The following SOBP variants were observed in gnomAD, a reference collection of about 807,000 sequenced individuals.
The protein encoded by SOBP is sine oculis-binding protein homolog.
Under a neutral mutation model 53.6 loss-of-function variants are expected in SOBP, and 4 were observed. The observed-to-expected ratio is 0.07, with a 90% CI of 0.04 to 0.17. SOBP has a LOEUF of 0.17. Ranked by LOEUF, SOBP falls within the 10% of genes least tolerant of loss-of-function variation. SOBP has a pLI of 1.00. For synonymous variants in SOBP, 584 were observed against 522.6 expected (o/e 1.12, Z -1.60); for missense variants, 1,088 against 1,204.7 (o/e 0.90, Z 1.43).
At chr6:107,610,495 G>A (rs1319925011) in intron 5 of SOBP, among the ~76,000 whole-genome samples, 11 of 152,172 alleles carry the variant, frequency 7.2e-5, no homozygotes, top group East Asian at 1.9e-4. Flanking sequence ...GCCTTTGCTC[G>A]GAAGGTCCTC....
At chr6:107,537,833 A>G (rs889996324) in intron 4 of SOBP, among the ~76,000 whole-genome samples, 1 of 152,136 alleles carries the variant, frequency 6.6e-6, no homozygotes, top group South Asian at 2.1e-4. Flanking sequence ...AAAAAAAAAA[A>G]AAAAGATCGA....
intron 5 of SOBP, among the ~76,000 whole-genome samples, chr6:107,598,803 G>A (rs1051265440): frequency 1.3e-5 from 2 of 152,108 alleles, no homozygotes; most frequent in African/African-American, 4.8e-5. Flanking sequence ...AAAAATATTG[G>A]TCATCAAGTT....
chr6:107,616,954 G>C (rs943625443), intron 5 of SOBP, among the ~76,000 whole-genome samples: 1 of 152,200 alleles, frequency 6.6e-6, no homozygotes, highest in Non-Finnish European at 1.5e-5. Flanking sequence ...CCGTGTGTTT[G>C]TGGTGAGAGA....
chr6:107,624,239 C>G (rs1484537444), intron 5 of SOBP, among the ~76,000 whole-genome samples: 2 of 152,220 alleles, frequency 1.3e-5, no homozygotes, highest in Non-Finnish European at 2.9e-5. Flanking sequence ...CCACTGGACT[C>G]TCTGCTAGTC....
chr6:107,556,569 C>G (rs773729374), intron 4 of SOBP, among the ~76,000 whole-genome samples: 12 of 152,164 alleles, frequency 7.9e-5, no homozygotes, highest in Non-Finnish European at 8.8e-5. Flanking sequence ...TTCCAATGTT[C>G]TTTCTTTGTG....
At chr6:107,594,083 T>A (rs933372925) in intron 5 of SOBP, among the ~76,000 whole-genome samples, 17 of 152,198 alleles carry the variant, frequency 1.1e-4, no homozygotes, top group African/African-American at 4.1e-4. Context: ...TTAAGCCAGA[T>A]TATTTTGTTC....
chr6:107,607,432 C>T (rs543692405), intron 5 of SOBP, among the ~76,000 whole-genome samples: 11 of 152,304 alleles, frequency 7.2e-5, no homozygotes, highest in African/African-American at 2.2e-4. Context: ...GCTGGCCCCT[C>T]GTGCTTTGCT....
chr6:107,644,959 A>G (rs1404191715), intron 6 of SOBP, among the ~76,000 whole-genome samples: 1 of 152,194 alleles, frequency 6.6e-6, no homozygotes, highest in African/African-American at 2.4e-5. Context: ...GGCTATTTTC[A>G]TAATCCCCAA....
At chr6:107,500,401 G>A (rs1026214321) in intron 1 of SOBP, among the ~76,000 whole-genome samples, 10 of 150,392 alleles carry the variant, frequency 6.6e-5, no homozygotes, top group Non-Finnish European at 1.0e-4. Flanking sequence ...AAAAGGAAAA[G>A]GAAAAAGAAT....
intron 4 of SOBP, among the ~76,000 whole-genome samples, chr6:107,537,733 A>T (rs939659169): frequency 1.3e-5 from 2 of 149,010 alleles, no homozygotes; most frequent in Admixed American, 6.8e-5. Flanking sequence ...AGGTGGGAGG[A>T]TTGCTTAGCC....
At chr6:107,590,587 G>A (rs1785712265) in intron 5 of SOBP, among the ~76,000 whole-genome samples, 1 of 152,192 alleles carries the variant, frequency 6.6e-6, no homozygotes, top group Non-Finnish European at 1.5e-5. Context: ...TCCTGAGGCT[G>A]TTAGGGGTGA....
chr6:107,534,905 A>G (rs1366625032), intron 4 of SOBP, among the ~76,000 whole-genome samples: 1 of 152,154 alleles, frequency 6.6e-6, no homozygotes. Context: ...ATATAGGGGG[A>G]TTAAAATGAT....
intron 4 of SOBP, among the ~76,000 whole-genome samples, chr6:107,545,538 C>T (rs192020909): frequency 6.6e-6 from 1 of 152,134 alleles, no homozygotes; most frequent in Non-Finnish European, 1.5e-5. Context: ...GTCATGATGA[C>T]AACTCTATAG....
intron 3 of SOBP, among the ~76,000 whole-genome samples, chr6:107,533,237 T>G (rs1262645786): frequency 1.5e-5 from 2 of 136,702 alleles, no homozygotes; most frequent in East Asian, 2.1e-4. Flanking sequence ...CATGCTCTGG[T>G]TTTTAAGTAA....
At chr6:107,633,197 GTGGGCAGGTACATTGGA>G (rs1189056349) in intron 5 of SOBP, among the ~76,000 whole-genome samples, 17 of 152,296 alleles carry the variant, frequency 1.1e-4, no homozygotes. Context: ...GTGAAAATGT[GTGGGCAGGTACATTGGA>G]CAGGTATATA....
intron 3 of SOBP, among the ~76,000 whole-genome samples, chr6:107,507,684 C>T (rs1364855594): frequency 6.6e-6 from 1 of 152,146 alleles, no homozygotes; most frequent in African/African-American, 2.4e-5. Flanking sequence ...GACAATTCTT[C>T]TTCCAATGTG....
intron 4 of SOBP, among the ~76,000 whole-genome samples, chr6:107,576,375 A>G (rs1363714495): frequency 2.0e-5 from 3 of 152,230 alleles, no homozygotes; most frequent in Non-Finnish European, 4.4e-5. Context: ...TATAATACTC[A>G]TATTTCTTCC....
chr6:107,579,789 G>A (rs1785347996), intron 4 of SOBP, among the ~76,000 whole-genome samples: 1 of 152,156 alleles, frequency 6.6e-6, no homozygotes, highest in South Asian at 2.1e-4. Flanking sequence ...ACTCCAAATT[G>A]GATGTTAAAA....
At chr6:107,638,511 C>T (rs1394706637) in intron 6 of SOBP, among the ~76,000 whole-genome samples, 2 of 152,086 alleles carry the variant, frequency 1.3e-5, no homozygotes, top group East Asian at 1.9e-4. Context: ...GTGCCCAGGC[C>T]CCTTCCTGTT....
Sources: allele counts gnomAD v4.1 joint callset (sites outside exome capture counted in the v4.1 genomes callset), GRCh38; gene constraint gnomAD v4.1.1; transcripts MANE v1.5; gene names NCBI Gene and HGNC (gene_info 2026-07-23, HGNC 2026-07-21).